XKR5: variants seen among roughly 807,000 people sequenced by gnomAD.
The protein encoded by XKR5 is XK-related protein 5.
Under a neutral mutation model 40.8 loss-of-function variants are expected in XKR5, and 46 were observed. The observed-to-expected ratio is 1.13, with a 90% confidence interval of 0.89 to 1.44. XKR5 has a LOEUF of 1.44. Among genes scored for constraint, XKR5 ranks in the 40% most tolerant of loss-of-function variants. The pLI is 0.00. For missense variants in XKR5, 1,169 were observed against 844.7 expected, an observed-to-expected ratio of 1.38 and a Z score of -4.76; for synonymous variants, 466 against 356.1, an observed-to-expected ratio of 1.31 and a Z score of -3.48.
At position 6,810,686 on chromosome 8, in the gene XKR5, A is replaced by C. The variant is rs1803638361; in HGVS notation, c.*512T>G. The stretch of plus-strand genomic sequence containing the variant: ...TAGAATGACATTTGCACTTTCAGTT[A>C]TGTTAGTTATTACAAGCACACAGGC... On this transcript the variant is annotated 3_prime_UTR_variant, in exon 7 of 7. Transcript: ENST00000618742. 1 of 152,674 alleles carries C rather than the reference A, an allele frequency of 6.5e-6. No individual in the cohort carries two copies. Among genetic ancestry groups the C allele is most frequent in the Admixed American group, 6.5e-5 (1 of 15,334 alleles). The allele number at this position is 152,674 out of a possible 1,614,324, so 9.5% of individuals were successfully genotyped here. A position where few individuals can be genotyped will look rare whatever the true frequency, so the allele number is the denominator to read the frequency against.
chr8:6,827,132 G>A (rs1027474672), intron 2 of XKR5, among the ~76,000 whole-genome samples: 7 of 152,050 alleles, frequency 4.6e-5, no homozygotes, highest in East Asian at 1.9e-4. Context: ...CCACACCAGC[G>A]GGCTCTCAGG....
chr8:6,830,027 CG>C (rs1280035984), intron 2 of XKR5, among the ~76,000 whole-genome samples: 1 of 151,604 alleles, frequency 6.6e-6, no homozygotes, highest in African/African-American at 2.4e-5. Context: ...TTAGTAGAGA[CG>C]GGGTTTCACC....
intron 2 of XKR5, among the ~76,000 whole-genome samples, chr8:6,827,953 A>G (rs2117111789): frequency 6.6e-6 from 1 of 152,258 alleles, no homozygotes; most frequent in African/African-American, 2.4e-5. Context: ...CTGTAGTCCC[A>G]GCTACTCAGG....
At chr8:6,834,726 G>GAAGTGGGCGGAGACGCTCCTCCCGGCAC (rs373735445) in intron 1 of XKR5, among the ~76,000 whole-genome samples, 3,958 of 152,240 alleles carry the variant, frequency 0.026, 176 homozygotes, top group African/African-American at 0.089. Context: ...GAGCCCGGCG[G>GAAGTGGGCGGAGACGCTCCTCCCGGCAC]AAGTGGGCGG....
rs1803550252 is a variant in XKR5 at position 6,808,817 on chromosome 8, CA to C, written c.*2380del. The C allele has an allele frequency of 6.6e-6, 1 of 152,170 alleles. No individual in the cohort carries two copies. Among genetic ancestry groups the C allele is most frequent in the Non-Finnish European group, 1.5e-5 (1 of 68,042 alleles). The allele number at this position is 152,170 out of a possible 1,614,324, so 9.4% of individuals were successfully genotyped here. On this transcript the variant is annotated 3_prime_UTR_variant, in exon 7 of 7. Coordinates refer to ENST00000618742, the MANE Select transcript of XKR5 (RefSeq NM_207411.5). ...AAGAATGAGCAAATTCCCCATATCC[CA>C]CCCTTACTTTTACCCCATAACACAA... is the stretch of plus-strand genomic sequence containing the variant.
At chr8:6,823,284 C>G (rs751542331) in intron 4 of XKR5, among the ~76,000 whole-genome samples, 1 of 152,190 alleles carries the variant, frequency 6.6e-6, no homozygotes, top group African/African-American at 2.4e-5. Flanking sequence ...CTAGCAGTTT[C>G]CAGTTCCTTG....
chr8:6,818,401 A>G (rs1050474533), intron 5 of XKR5, among the ~76,000 whole-genome samples: 2 of 152,184 alleles, frequency 1.3e-5, no homozygotes, highest in Non-Finnish European at 2.9e-5. Context: ...CAGTGGCTGC[A>G]TGGATTTGCT....
intron 5 of XKR5, among the ~76,000 whole-genome samples, chr8:6,817,999 CG>C (rs1457186070): frequency 6.6e-6 from 1 of 152,222 alleles, no homozygotes; most frequent in East Asian, 1.9e-4. Context: ...GCCAAGCCCC[CG>C]GATGTTCCTC....
chr8:6,823,344 G>A lies in XKR5; in HGVS notation c.637+177C>T, dbSNP rs182391974. On this transcript the variant is annotated intron_variant, in intron 4 of 6. Coordinates refer to ENST00000618742, the MANE Select transcript of XKR5 (RefSeq NM_207411.5). ...TCCTGTCAAGGCTCTTTATGAATCT[G>A]AACATCTGCTACCCCATTGCCATCT... Among the ~76,000 whole-genome samples the A allele has an allele frequency of 8.5e-5, 13 of 152,268 alleles. No homozygotes were observed. The East Asian group carries it at 2.5e-3, about 29-fold the overall frequency.
rs552404023 is a variant in XKR5 at position 6,821,792 on chromosome 8, ACC to A, written c.807+75_807+76del. ...TGTGCATTGGTGCACACACACACAC[ACC>A]CCCCACACACACCCACACACACCCC... On this transcript the variant is annotated intron_variant, in intron 5 of 6. Coordinates refer to ENST00000618742, the MANE Select transcript of XKR5 (RefSeq NM_207411.5). 2.8e-3 allele frequency: 3,578 copies of A among 1,286,346 alleles called. 64 individuals carry two copies. The South Asian group carries it at 0.039, about 14-fold the overall frequency. 79.7% of individuals were successfully genotyped at this position (1,286,346 alleles called of 1,614,324 possible). A position where few individuals can be genotyped will look rare whatever the true frequency, so the allele number is the denominator to read the frequency against.
Position 6,832,824 on chromosome 8 carries a change from G to A in XKR5, c.135C>T (p.Pro45=), listed in dbSNP as rs138544071. Residue 45 remains proline (P), a synonymous_variant, in exon 2 of 7, where the codon CCC becomes CCT. Transcript: ENST00000618742. ...WGWLALAVLL[P]GFLVQALSYL... ...AGCTCAGGGCCTGGACCAAGAACCCGGGCAGGAGGACAGCAAGGGCCAGCC... is the reference window on the plus strand; with the variant it reads ...AGCTCAGGGCCTGGACCAAGAACCCAGGCAGGAGGACAGCAAGGGCCAGCC... 313 of 1,612,274 alleles carry A rather than the reference G, an allele frequency of 1.9e-4. 2 individuals carry two copies. In the African/African-American group the frequency reaches 3.3e-3, roughly 17 times the overall value.
chr8:6,822,151 C>G, intron 4 of XKR5, 113 bp from the exon 5 acceptor site: 1 of 1,057,118 alleles, frequency 9.5e-7, no homozygotes, highest in South Asian at 1.7e-5. Context: ...ACTCAGCATC[C>G]AAGAAGAGAT....
At chr8:6,814,115 G>A (rs1419369863) in intron 6 of XKR5, among the ~76,000 whole-genome samples, 1 of 152,208 alleles carries the variant, frequency 6.6e-6, no homozygotes, top group African/African-American at 2.4e-5. Context: ...GATGCAATGT[G>A]GTGAGAGTGG....
At chr8:6,814,889 C>G (rs1409932043) in intron 6 of XKR5, among the ~76,000 whole-genome samples, 1 of 152,180 alleles carries the variant, frequency 6.6e-6, no homozygotes, top group Non-Finnish European at 1.5e-5. Flanking sequence ...TTTCCCAGGT[C>G]CAGGCCACTC....
At chr8:6,816,084 C>A (rs771510342) in intron 5 of XKR5, among the ~76,000 whole-genome samples, 166 bp from the exon 6 acceptor site, 2 of 152,030 alleles carry the variant, frequency 1.3e-5, no homozygotes, top group South Asian at 2.1e-4. Context: ...CCCACTGAGA[C>A]CTTCTCTGGC....
At chr8:6,827,220 G>C (rs937338517) in intron 2 of XKR5, among the ~76,000 whole-genome samples, 1 of 152,174 alleles carries the variant, frequency 6.6e-6, no homozygotes, top group Non-Finnish European at 1.5e-5. Context: ...GCAGCAATAA[G>C]GAGATGACCA....
intron 2 of XKR5, among the ~76,000 whole-genome samples, chr8:6,828,570 A>G (rs1804623976): frequency 6.6e-6 from 1 of 152,178 alleles, no homozygotes; most frequent in South Asian, 2.1e-4. Flanking sequence ...GAGGAAGCTG[A>G]GGCGGGATGG....
At position 6,812,236 on chromosome 8, in the gene XKR5, T is replaced by C. The variant is rs1268085314; in HGVS notation, c.1023A>G (p.Lys341=). Residue 341 remains lysine (K), a synonymous_variant, in exon 7 of 7, where the codon AAA becomes AAG. Transcript: ENST00000618742. The part of the protein sequence containing the change: ...RKSCGIAGGD[K]TERRDSPRAT... ...CCCGGGGAGAATCTCTTCTCTCTGTTTTATCACCTCCTGCAATGCCACAGG... is the reference window on the plus strand; with the variant it reads ...CCCGGGGAGAATCTCTTCTCTCTGTCTTATCACCTCCTGCAATGCCACAGG... 6.4e-7 allele frequency: 1 copy of C among 1,552,406 alleles called. No homozygotes were observed. The highest frequency in any genetic ancestry group is 2.4e-5 in the East Asian group (1 of 41,046).
chr8:6,833,072 A>G (rs1040819869), intron 1 of XKR5, among the ~76,000 whole-genome samples, 172 bp from the exon 2 acceptor site: 1 of 152,300 alleles, frequency 6.6e-6, no homozygotes, highest in East Asian at 1.9e-4. Flanking sequence ...TTCAGCTAGC[A>G]AAGGGCCCAG....
Sources: gnomAD v4.1 joint callset for allele counts (sites outside exome capture counted in the v4.1 genomes callset) on GRCh38, gnomAD v4.1.1 for gene constraint, MANE v1.5 for transcripts, NCBI Gene and HGNC (gene_info 2026-07-23, HGNC 2026-07-21) for gene names.